RASAL2: variants seen among roughly 807,000 people sequenced by gnomAD.
RASAL2 encodes RAS protein activator like 2, also known as ras GTPase-activating protein nGAP.
In RASAL2, 58 loss-of-function variants were observed where a neutral mutation model predicts 128.9. The ratio of observed to expected loss-of-function variants is 0.45; its 90% confidence interval spans 0.36 to 0.56. The LOEUF (loss-of-function observed/expected upper bound fraction) is 0.56. Ranked by LOEUF, RASAL2 falls within the 20% of genes least tolerant of loss-of-function variation. The probability of loss-of-function intolerance (pLI) is 0.00; values close to 1 mark genes in which losing one functional copy is unlikely to be tolerated. For synonymous variants in RASAL2, 561 were observed against 580.8 expected (o/e 0.97, Z 0.49); for missense variants, 1,360 against 1,601.6 (o/e 0.85, Z 2.57).
At chr1:178,306,182 A>G (rs1667978258) in intron 3 of RASAL2, among the ~76,000 whole-genome samples, 1 of 152,196 alleles carries the variant, frequency 6.6e-6, no homozygotes, top group Admixed American at 6.5e-5. Flanking sequence ...TTTACTGAGA[A>G]TGATGATTTC....
intron 4 of RASAL2, among the ~76,000 whole-genome samples, chr1:178,408,750 G>A (rs1449500501): frequency 1.3e-5 from 2 of 151,998 alleles, no homozygotes; most frequent in Non-Finnish European, 2.9e-5. Context: ...GGGAAAATAA[G>A]TTATGTTATA....
At chr1:178,381,888 A>G (rs1423878978) in intron 3 of RASAL2, among the ~76,000 whole-genome samples, 1 of 152,184 alleles carries the variant, frequency 6.6e-6, no homozygotes, top group Non-Finnish European at 1.5e-5. Context: ...TCTGTAGATT[A>G]GAAGAGATAG....
At chr1:178,439,675 A>T in intron 6 of RASAL2, 100 bp downstream of exon 6, 1 of 1,064,270 alleles carries the variant, frequency 9.4e-7, no homozygotes, top group Non-Finnish European at 1.3e-6. Context: ...TGATGATTTA[A>T]TTAACTGGTT....
intron 1 of RASAL2, among the ~76,000 whole-genome samples, chr1:178,185,674 T>G (rs1333960095): frequency 6.6e-6 from 1 of 152,042 alleles, no homozygotes; most frequent in African/African-American, 2.4e-5. Flanking sequence ...TTTATCCTGT[T>G]TATATGGTGG....
chr1:178,094,309 G>A lies in RASAL2; in HGVS notation c.-184G>A, dbSNP rs1658579495. 3.4e-6 allele frequency: 2 copies of A among 581,546 alleles called. No individual in the cohort carries two copies. The highest frequency in any genetic ancestry group is 5.8e-6 in the Non-Finnish European group (2 of 345,046). 36.0% of individuals were successfully genotyped at this position (581,546 alleles called of 1,614,324 possible). Reference sequence around the variant, plus strand: ...CCCGCCCGCCGACTGCAGGTGGGCTGCATCGCCCGAGCCTCGGGCAGTGGG... The same window carrying A: ...CCCGCCCGCCGACTGCAGGTGGGCTACATCGCCCGAGCCTCGGGCAGTGGG... On this transcript the variant is annotated 5_prime_UTR_variant, in exon 1 of 18. Coordinates refer to ENST00000367649, the MANE Select transcript of RASAL2 (RefSeq NM_170692.4).
chr1:178,184,712 T>A (rs1444858074), intron 1 of RASAL2, among the ~76,000 whole-genome samples: 2 of 152,124 alleles, frequency 1.3e-5, no homozygotes, highest in African/African-American at 4.8e-5. Flanking sequence ...CTCTCTTGAT[T>A]ACTGTAGCTT....
chr1:178,204,510 C>A (rs1662977113), intron 1 of RASAL2, among the ~76,000 whole-genome samples: 1 of 152,168 alleles, frequency 6.6e-6, no homozygotes, highest in South Asian at 2.1e-4. Flanking sequence ...CCTTCTTAGG[C>A]AGCTACACAG....
At chr1:178,190,992 T>C (rs1459380882) in intron 1 of RASAL2, among the ~76,000 whole-genome samples, 1 of 152,218 alleles carries the variant, frequency 6.6e-6, no homozygotes, top group African/African-American at 2.4e-5. Context: ...AATAGTATTC[T>C]ATCACCATCT....
At position 178,464,831 on chromosome 1, in the gene RASAL2, G is replaced by GTT. The variant is rs986789340; in HGVS notation, c.3387+443_3387+444dup. Among the ~76,000 whole-genome samples the GTT allele has an allele frequency of 2.3e-3, 86 of 38,192 alleles. 1 individual carries two copies. The highest frequency in any genetic ancestry group is 8.0e-3 in the East Asian group (8 of 998). The allele number at this position is 38,192 out of a possible 152,430, so 25.1% of individuals were successfully genotyped here. On this transcript the variant is annotated intron_variant, in intron 15 of 17. Coordinates refer to ENST00000367649, the MANE Select transcript of RASAL2 (RefSeq NM_170692.4). ...TAACAATTAGGTTTTGGTTTTAGTT[G>GTT]TTTTTTTTTTTTTTTTTTTTTTTTT... is the stretch of plus-strand genomic sequence containing the variant.
intron 1 of RASAL2, chr1:178,125,579 A>T (rs1266700283): frequency 2.6e-5 from 4 of 152,218 alleles, no homozygotes; most frequent in Non-Finnish European, 4.4e-5. Flanking sequence ...TTTCAGAAGA[A>T]TAACAGTATA....
Position 178,476,826 on chromosome 1 carries a change from CAG to C in RASAL2, c.*3590_*3591del, listed in dbSNP as rs1277925397. The C allele has an allele frequency of 6.6e-6, 1 of 152,320 alleles. No homozygotes were observed. Among genetic ancestry groups the C allele is most frequent in the East Asian group, 1.9e-4 (1 of 5,192 alleles). The allele number at this position is 152,320 out of a possible 1,614,324, so 9.4% of individuals were successfully genotyped here. On this transcript the variant is annotated 3_prime_UTR_variant, in exon 18 of 18. Coordinates refer to ENST00000367649, the MANE Select transcript of RASAL2 (RefSeq NM_170692.4). ...TCTCAGAGGTACACCAGATTGAGAGCAGAGTTCTTCTTTGGAAGTCCCAGAGC... is the reference window on the plus strand; with the variant it reads ...TCTCAGAGGTACACCAGATTGAGAGCAGTTCTTCTTTGGAAGTCCCAGAGC...
At chr1:178,288,075 A>G (rs1667113671) in intron 2 of RASAL2, among the ~76,000 whole-genome samples, 1 of 152,222 alleles carries the variant, frequency 6.6e-6, no homozygotes, top group Admixed American at 6.5e-5. Flanking sequence ...GTTCAGCATA[A>G]TCATAACATA....
chr1:178,169,270 T>C (rs1014224278), intron 1 of RASAL2, among the ~76,000 whole-genome samples: 5 of 152,190 alleles, frequency 3.3e-5, no homozygotes, highest in African/African-American at 9.7e-5. Flanking sequence ...CCCTCTATGA[T>C]TGACAAGTTG....
chr1:178,219,926 G>A (rs1490112099), intron 1 of RASAL2, among the ~76,000 whole-genome samples: 1 of 152,112 alleles, frequency 6.6e-6, no homozygotes, highest in African/African-American at 2.4e-5. Context: ...CTGACTAATA[G>A]GGGCGGGTGG....
intron 3 of RASAL2, among the ~76,000 whole-genome samples, chr1:178,380,182 C>T (rs1410131939): frequency 2.6e-5 from 4 of 151,742 alleles, no homozygotes; most frequent in African/African-American, 9.7e-5. Flanking sequence ...AGTCACCGTG[C>T]CCCGCCAATT....
At chr1:178,118,288 G>T (rs12028024) in intron 1 of RASAL2, among the ~76,000 whole-genome samples, 12,029 of 152,056 alleles carry the variant, frequency 0.079, 539 homozygotes, top group Middle Eastern at 0.13. Context: ...GGAGGAGGTG[G>T]GTGGGGACGA....
intron 3 of RASAL2, among the ~76,000 whole-genome samples, chr1:178,372,680 G>C (rs2102525490): frequency 6.6e-6 from 1 of 152,288 alleles, no homozygotes; most frequent in East Asian, 1.9e-4. Context: ...GAGGTGTGCT[G>C]TGTGAGAGTG....
intron 5 of RASAL2, among the ~76,000 whole-genome samples, chr1:178,427,192 C>A (rs972133004): frequency 2.6e-5 from 4 of 152,070 alleles, no homozygotes; most frequent in African/African-American, 9.7e-5. Flanking sequence ...GGTGTTGGGA[C>A]ACAAAAAGAC....
At chr1:178,123,415 C>T (rs1659785053) in intron 1 of RASAL2, among the ~76,000 whole-genome samples, 1 of 152,104 alleles carries the variant, frequency 6.6e-6, no homozygotes, top group African/African-American at 2.4e-5. Flanking sequence ...CGAAACTTGG[C>T]CTTGAATTTT....
Sources: gnomAD v4.1 joint callset for allele counts (sites outside exome capture counted in the v4.1 genomes callset) on GRCh38, gnomAD v4.1.1 for gene constraint, MANE v1.5 for transcripts, NCBI Gene and HGNC (gene_info 2026-07-23, HGNC 2026-07-21) for gene names.